POLE: variants seen among roughly 807,000 people sequenced by gnomAD.
POLE encodes DNA polymerase epsilon catalytic subunit A.
In POLE, 188 loss-of-function variants were observed where a neutral mutation model predicts 279.2. The observed-to-expected ratio is 0.67, with a 90% CI of 0.60 to 0.76. The LOEUF (loss-of-function observed/expected upper bound fraction) is 0.76, where lower values mean the gene tolerates loss of function less well. Among genes scored for constraint, POLE ranks in the 30% least tolerant of loss-of-function variants. The pLI is 0.00. For missense variants in POLE, 2,703 were observed against 3,016.7 expected (o/e 0.90, Z 2.44); for synonymous variants, 1,214 against 1,172.5 (o/e 1.04, Z -0.72).
intron 45 of POLE, among the ~76,000 whole-genome samples, chr12:132,626,663 C>T (rs150289519): frequency 4.9e-4 from 74 of 152,144 alleles, no homozygotes; most frequent in African/African-American, 1.7e-3. Flanking sequence ...CCAATAACAG[C>T]CTGAGCACAG....
Position 132,687,045 on chromosome 12 carries a change from C to T in POLE, c.62+209G>A, listed in dbSNP as rs549914537. 2.7e-3 allele frequency among the ~76,000 whole-genome samples: 413 copies of T among 151,812 alleles called. 2 individuals carry two copies. The highest frequency in any genetic ancestry group is 9.5e-3 in the African/African-American group (395 of 41,522). ...AGGCCGCGCGGCCCGCCTCGTTTCC[C>T]CGCAAAGAAGCCGCGCCCGTAGCGC... is the stretch of plus-strand genomic sequence containing the variant. On this transcript the variant is annotated intron_variant, in intron 1 of 48. Transcript: ENST00000320574.
At chr12:132,686,212 G>A (rs2043261198) in intron 1 of POLE, among the ~76,000 whole-genome samples, 1 of 151,792 alleles carries the variant, frequency 6.6e-6, no homozygotes, top group African/African-American at 2.4e-5. Flanking sequence ...CCAGTCCTCC[G>A]GTCATGTTTA....
At position 132,634,676 on chromosome 12, in the gene POLE, G is replaced by C. The variant is rs1411688032; in HGVS notation, c.5812-298C>G. Among the ~76,000 whole-genome samples the C allele has an allele frequency of 6.6e-6, 1 of 152,122 alleles. No individual in the cohort carries two copies. The highest frequency in any genetic ancestry group is 1.9e-4 in the East Asian group (1 of 5,178). Reference sequence around the variant, plus strand: ...GAACTCCCACCCCCCAAGGACGAAAGAACCAGCCAGAGCTTCCCGGTGACT... The same window carrying C: ...GAACTCCCACCCCCCAAGGACGAAACAACCAGCCAGAGCTTCCCGGTGACT... On this transcript the variant is annotated intron_variant, in intron 42 of 48. Coordinates refer to ENST00000320574, the MANE Select transcript of POLE (RefSeq NM_006231.4). The surrounding 1 kb of genome is among the most constrained non-coding windows in gnomAD (Gnocchi z 4.0).
rs2042194209 is a variant in POLE at position 132,643,225 on chromosome 12, G to A, written c.4550C>T (p.Thr1517Ile). 1 of 1,613,084 alleles carries A rather than the reference G, an allele frequency of 6.2e-7. No homozygotes were observed. The highest frequency in any genetic ancestry group is 8.5e-7 in the Non-Finnish European group (1 of 1,179,496). ...TGCCATGGAGGGCCCAGGACTCACAGTGTCCAGCACAAAGACGGATGCCCT... is the reference window on the plus strand; with the variant it reads ...TGCCATGGAGGGCCCAGGACTCACAATGTCCAGCACAAAGACGGATGCCCT... ...QRRASVFVLD[T>I]VRSNQMPSLG... The change falls in exon 35 of 49, where the codon ACT becomes ATT. Residue 1517 changes from threonine (T) to isoleucine (I), a missense_variant and splice_region_variant. Thr to Ile is a moderately conservative substitution (Grantham distance 89). Transcript: ENST00000320574.
At chr12:132,653,129 C>T (rs2042459588) in intron 29 of POLE, among the ~76,000 whole-genome samples, 1 of 152,140 alleles carries the variant, frequency 6.6e-6, no homozygotes, top group South Asian at 2.1e-4. Flanking sequence ...CCTGTAATCC[C>T]AGTGCTTTGG....
chr12:132,651,881 T>C (rs1201488028), intron 29 of POLE, among the ~76,000 whole-genome samples: 1 of 152,260 alleles, frequency 6.6e-6, no homozygotes, highest in East Asian at 1.9e-4. Context: ...AGTGGCTCCT[T>C]CTCCAGTGGA....
intron 32 of POLE, 105 bp downstream of exon 32, chr12:132,648,824 C>A: frequency 8.2e-7 from 1 of 1,212,246 alleles, no homozygotes; most frequent in East Asian, 2.4e-5. Flanking sequence ...CTAGAACATC[C>A]CCATAAGGTA....
chr12:132,645,170 T>C (rs1593739848), intron 32 of POLE, among the ~76,000 whole-genome samples: 1 of 43,898 alleles, frequency 2.3e-5, no homozygotes, highest in Non-Finnish European at 4.2e-5. Flanking sequence ...TGTGGGGTCC[T>C]GGGGGGTCTG....
Position 132,642,370 on chromosome 12 carries a change from T to C in POLE, c.4980A>G (p.Leu1660=). The C allele has an allele frequency of 6.3e-7, 1 of 1,581,522 alleles. No homozygotes were observed. Among genetic ancestry groups the C allele is most frequent in the Non-Finnish European group, 8.6e-7 (1 of 1,161,094 alleles). The part of the protein sequence containing the change: ...SRYFHIPIGN[L]PEDISTFGSD... ...AGCCGAATGTGGAGATGTCCTCTGG[T>C]AGGTTCCCAATGGGAATGTGAAAGT... The change falls in exon 38 of 49, where the codon CTA becomes CTG. Residue 1660 remains leucine (L), a synonymous_variant. Transcript: ENST00000320574.
chr12:132,682,420 G>T (rs2043190290), intron 1 of POLE, among the ~76,000 whole-genome samples: 1 of 151,432 alleles, frequency 6.6e-6, no homozygotes, highest in Admixed American at 6.6e-5. Flanking sequence ...AGAGGTGGAG[G>T]TTGCAGTGAG....
Position 132,687,274 on chromosome 12 carries a change from G to C in POLE, c.42C>G (p.Gly14=). ...CTCACCTGCTGGCCTCGCCATCCGC[G>C]CCTGGGTCCGCGCGCCGCCGCCCGC... The part of the protein sequence containing the change: ...RSGGRRRADP[G]ADGEASRDDG... Residue 14 remains glycine, a synonymous_variant, in exon 1 of 49, where the codon GGC becomes GGG. Coordinates refer to ENST00000320574, the MANE Select transcript of POLE (RefSeq NM_006231.4). The C allele has an allele frequency of 6.7e-7, 1 of 1,501,372 alleles. No homozygotes were observed. The highest frequency in any genetic ancestry group is 8.9e-7 in the Non-Finnish European group (1 of 1,127,428). The allele number at this position is 1,501,372 out of a possible 1,614,324, so 93.0% of individuals were successfully genotyped here.
At chr12:132,644,064 C>CT in intron 32 of POLE, 87 bp from the exon 33 acceptor site, 3 of 1,374,066 alleles carry the variant, frequency 2.2e-6, no homozygotes, top group Non-Finnish European at 2.9e-6. Context: ...ATTCGGAGTC[C>CT]TAGACTTCTG....
intron 32 of POLE, chr12:132,648,696 C>T (rs1347357586): frequency 4.3e-6 from 2 of 462,090 alleles, no homozygotes; most frequent in Non-Finnish European, 7.7e-6. Flanking sequence ...GTCCCCGCAA[C>T]ATGGACCTCG....
intron 21 of POLE, among the ~76,000 whole-genome samples, chr12:132,665,082 C>T (rs1473936234): frequency 6.6e-6 from 1 of 152,146 alleles, no homozygotes; most frequent in Non-Finnish European, 1.5e-5. Context: ...ACATACACCC[C>T]ACAGCACGCA....
At position 132,675,970 on chromosome 12, in the gene POLE, T is replaced by C. The variant is rs4883545; in HGVS notation, c.1020+124A>G. ...CCGTCTCTGGCAGAAAAGACGGTCA[T>C]ACCCTGAGAACAAAGCTCATGGAGC... On this transcript the variant is annotated intron_variant, in intron 10 of 48. Coordinates refer to ENST00000320574, the MANE Select transcript of POLE (RefSeq NM_006231.4). The surrounding 1 kb of genome is among the most constrained non-coding windows in gnomAD (Gnocchi z 4.3). 0.58 allele frequency: 526,831 copies of C among 915,114 alleles called. 154,500 individuals carry two copies. The highest frequency in any genetic ancestry group is 0.81 in the East Asian group (33,132 of 41,096). 56.7% of individuals were successfully genotyped at this position (915,114 alleles called of 1,614,324 possible).
chr12:132,672,412 T>C lies in POLE; in HGVS notation c.1687-90A>G, dbSNP rs560864339. 4.2e-4 allele frequency: 513 copies of C among 1,226,270 alleles called. No homozygotes were observed. In the African/African-American group the frequency reaches 5.4e-3, roughly 13 times the overall value. 76.0% of individuals were successfully genotyped at this position (1,226,270 alleles called of 1,614,324 possible). ...TGACGCTGTGGCTGCACGTGGCAGG[T>C]TGTGCCCGAGAAAGCTCCGGAAGGA... On this transcript the variant is annotated intron_variant, in intron 15 of 48. Transcript: ENST00000320574.
chr12:132,643,858 G>A lies in POLE; in HGVS notation c.4269C>T (p.Ile1423=), dbSNP rs761413102. The A allele has an allele frequency of 1.3e-4, 211 of 1,614,008 alleles. No homozygotes were observed. The highest frequency in any genetic ancestry group is 3.3e-4 in the Middle Eastern group (2 of 6,084). Residue 1423 remains isoleucine, a synonymous_variant, in exon 33 of 49, where the codon ATC becomes ATT. Coordinates refer to ENST00000320574, the MANE Select transcript of POLE (RefSeq NM_006231.4). ...EINAELSAPD[I]EGVYETQVPL... is the part of the protein sequence containing the mutation. ...TCACCTGAGTCTCATATACGCCCTC[G>A]ATGTCTGGCGCTGACAGCTCAGCGT...
rs1555222548 is a variant in POLE at position 132,642,501 on chromosome 12, C to T, written c.4952+5G>A. The T allele has an allele frequency of 1.2e-6, 2 of 1,613,322 alleles. No homozygotes were observed. The highest frequency in any genetic ancestry group is 1.3e-5 in the African/African-American group (1 of 74,930). ...ACTGGCCCACAACGACAGTACTGTG[C>T]TCACCTGCTCATCTCGAAGGCCTGC... On this transcript the variant is annotated splice_donor_5th_base_variant and intron_variant, in intron 37 of 48. Coordinates refer to ENST00000320574, the MANE Select transcript of POLE (RefSeq NM_006231.4).
At chr12:132,650,280 CA>C (rs1428529484) in intron 29 of POLE, 3 of 224,902 alleles carry the variant, frequency 1.3e-5, no homozygotes, top group Non-Finnish European at 2.7e-5. Context: ...ATAAGTATAT[CA>C]CCTGAAATGG....
Sources: gnomAD v4.1 joint callset for allele counts (sites outside exome capture counted in the v4.1 genomes callset) on GRCh38, gnomAD v4.1.1 for gene constraint, Gnocchi (gnomAD v3.1) non-coding constraint, MANE v1.5 for transcripts, NCBI Gene and HGNC (gene_info 2026-07-23, HGNC 2026-07-21) for gene names.